NRG3: variants seen among roughly 807,000 people sequenced by gnomAD.
NRG3 encodes neuregulin 3.
In NRG3, 31 loss-of-function variants were observed where a neutral mutation model predicts 66.9. The ratio of observed to expected loss-of-function variants is 0.46; its 90% CI spans 0.35 to 0.63. The LOEUF (loss-of-function observed/expected upper bound fraction) is 0.63, where lower values mean the gene tolerates loss of function less well. NRG3 is among the 20% of genes least tolerant of loss of function. The pLI, the probability that NRG3 is intolerant of heterozygous loss-of-function variation, is 0.00. For missense variants in NRG3, 910 were observed against 878.9 expected (o/e 1.04, Z -0.45); for synonymous variants, 393 against 359.4 (o/e 1.09, Z -1.06).
At chr10:82,662,776 A>C (rs2052467453) in intron 2 of NRG3, among the ~76,000 whole-genome samples, 1 of 152,134 alleles carries the variant, frequency 6.6e-6, no homozygotes. Flanking sequence ...CTCTCCCTCA[A>C]ATAATTAGAA....
At chr10:82,262,763 C>T (rs1401618441) in intron 1 of NRG3, among the ~76,000 whole-genome samples, 3 of 152,156 alleles carry the variant, frequency 2.0e-5, no homozygotes, top group Admixed American at 6.5e-5. Context: ...AGTGTGCCTT[C>T]TATATGTGAT....
intron 2 of NRG3, among the ~76,000 whole-genome samples, chr10:82,448,057 G>A (rs369150414): frequency 2.7e-4 from 41 of 152,296 alleles, no homozygotes; most frequent in African/African-American, 9.1e-4. Flanking sequence ...AATAGAGGAA[G>A]CATTCAAAAA....
intron 3 of NRG3, among the ~76,000 whole-genome samples, chr10:82,776,641 G>A (rs749591416): frequency 5.4e-5 from 8 of 148,904 alleles, no homozygotes; most frequent in African/African-American, 1.2e-4. Context: ...TTTTCTCTCC[G>A]GGTTATTTTA....
chr10:82,517,665 GTGTGCA>G (rs1845806510), intron 2 of NRG3, among the ~76,000 whole-genome samples: 9 of 119,590 alleles, frequency 7.5e-5, no homozygotes, highest in African/African-American at 3.4e-4. Context: ...GTGTGTGTGT[GTGTGCA>G]TGTGTGTGTG....
At chr10:82,663,991 A>C (rs534888977) in intron 2 of NRG3, among the ~76,000 whole-genome samples, 1 of 152,292 alleles carries the variant, frequency 6.6e-6, no homozygotes, top group East Asian at 1.9e-4. Flanking sequence ...GGGCAGCCTT[A>C]TTATGCTGAC....
At chr10:82,061,035 AT>A (rs1346340032) in intron 1 of NRG3, among the ~76,000 whole-genome samples, 1 of 152,062 alleles carries the variant, frequency 6.6e-6, no homozygotes, top group Non-Finnish European at 1.5e-5. Context: ...CCCAAGTTGT[AT>A]TGTTTTGGTT....
intron 2 of NRG3, among the ~76,000 whole-genome samples, chr10:82,674,180 G>A (rs900391610): frequency 6.6e-6 from 1 of 152,108 alleles, no homozygotes; most frequent in Non-Finnish European, 1.5e-5. Flanking sequence ...GGTTGGAATT[G>A]TGACAGATAT....
intron 1 of NRG3, among the ~76,000 whole-genome samples, chr10:82,113,143 CA>C (rs2067490238): frequency 6.6e-6 from 1 of 152,158 alleles, no homozygotes; most frequent in Non-Finnish European, 1.5e-5. Flanking sequence ...TAAATAGCAA[CA>C]GCAAATACTT....
At chr10:82,114,363 G>A (rs761756619) in intron 1 of NRG3, among the ~76,000 whole-genome samples, 6 of 151,900 alleles carry the variant, frequency 3.9e-5, no homozygotes, top group Non-Finnish European at 7.4e-5. Context: ...CTTCTAACTC[G>A]ACCCCGGAGG....
intron 1 of NRG3, among the ~76,000 whole-genome samples, chr10:82,307,173 C>A (rs1274377558): frequency 6.6e-6 from 1 of 152,060 alleles, no homozygotes; most frequent in East Asian, 1.9e-4. Flanking sequence ...TTTATACACA[C>A]ACATATATAC....
intron 1 of NRG3, among the ~76,000 whole-genome samples, chr10:82,200,424 A>G (rs1234419354): frequency 6.6e-6 from 1 of 152,218 alleles, no homozygotes; most frequent in African/African-American, 2.4e-5. Flanking sequence ...GTTTTCATGC[A>G]TATTTTTGTA....
At chr10:82,364,054 A>C (rs1396823593) in intron 2 of NRG3, among the ~76,000 whole-genome samples, 1 of 152,060 alleles carries the variant, frequency 6.6e-6, no homozygotes, top group Admixed American at 6.6e-5. Context: ...AACTTGGCAA[A>C]TTTTCTAACA....
chr10:82,303,395 C>T (rs550256300), intron 1 of NRG3, among the ~76,000 whole-genome samples: 15 of 151,930 alleles, frequency 9.9e-5, no homozygotes, highest in African/African-American at 3.1e-4. Context: ...CCCCCTTATC[C>T]TCTCCAATTC....
At chr10:82,101,190 A>G (rs1328773962) in intron 1 of NRG3, among the ~76,000 whole-genome samples, 1 of 151,782 alleles carries the variant, frequency 6.6e-6, no homozygotes, top group Non-Finnish European at 1.5e-5. Context: ...TATTCTTGAT[A>G]CTGATATTTG....
intron 1 of NRG3, among the ~76,000 whole-genome samples, chr10:82,117,165 C>T (rs1416097329): frequency 6.6e-6 from 1 of 152,096 alleles, no homozygotes; most frequent in East Asian, 1.9e-4. Context: ...CTTTCCAACT[C>T]CCCCAGGCGG....
chr10:82,105,039 T>C (rs1288860283), intron 1 of NRG3, among the ~76,000 whole-genome samples: 1 of 152,036 alleles, frequency 6.6e-6, no homozygotes, highest in Admixed American at 6.6e-5. Context: ...AATAAACAGG[T>C]TATGGTTGTA....
chr10:81,875,274 C>T lies in NRG3; in HGVS notation c.-67C>T. On this transcript the variant is annotated 5_prime_UTR_variant, in exon 1 of 9. Transcript: ENST00000372141. The surrounding 1 kb of genome is among the most constrained non-coding windows in gnomAD (Gnocchi z 5.3). ...CGGAGCCCGCGCCCGCGCCCGCGCCCGGCCCGCGCGGCCCCATGCCTCTGC... is the reference window on the plus strand; with the variant it reads ...CGGAGCCCGCGCCCGCGCCCGCGCCTGGCCCGCGCGGCCCCATGCCTCTGC... 8 of 967,256 alleles carry T rather than the reference C, an allele frequency of 8.3e-6. No individual in the cohort carries two copies. Among genetic ancestry groups the T allele is most frequent in the Non-Finnish European group, 9.8e-6 (8 of 816,022 alleles). 59.9% of individuals were successfully genotyped at this position (967,256 alleles called of 1,614,324 possible). A position where few individuals can be genotyped will look rare whatever the true frequency, so the allele number is the denominator to read the frequency against.
intron 3 of NRG3, among the ~76,000 whole-genome samples, chr10:82,806,729 G>A (rs1362246520): frequency 6.6e-6 from 1 of 152,166 alleles, no homozygotes; most frequent in Non-Finnish European, 1.5e-5. Flanking sequence ...CAGATACGTA[G>A]AGAAGATGAT....
At chr10:82,948,232 C>T (rs1251261115) in intron 4 of NRG3, among the ~76,000 whole-genome samples, 3 of 152,030 alleles carry the variant, frequency 2.0e-5, no homozygotes, top group African/African-American at 2.4e-5. Flanking sequence ...ACATAAGTTT[C>T]GAATATTATA....
Sources: allele counts gnomAD v4.1 joint callset (sites outside exome capture counted in the v4.1 genomes callset), GRCh38; gene constraint gnomAD v4.1.1; non-coding constraint Gnocchi (gnomAD v3.1); transcripts MANE v1.5; gene names NCBI Gene and HGNC (gene_info 2026-07-23, HGNC 2026-07-21).